CCSER2: variants seen among roughly 807,000 people sequenced by gnomAD.
CCSER2 encodes serine-rich coiled-coil domain-containing protein 2.
A neutral mutation model predicts 92.3 loss-of-function variants in CCSER2; 46 were observed. The observed-to-expected ratio is 0.50, with a 90% CI of 0.39 to 0.64. The LOEUF is 0.64. Ranked by LOEUF, CCSER2 falls within the 30% of genes least tolerant of loss-of-function variation. The probability of loss-of-function intolerance (pLI) is 0.00; values close to 1 mark genes in which losing one functional copy is unlikely to be tolerated. For synonymous variants in CCSER2, 433 were observed against 431.4 expected, an observed-to-expected ratio of 1.00 and a Z score of -0.04; for missense variants, 1,244 against 1,238.9, an observed-to-expected ratio of 1.00 and a Z score of -0.06.
intron 5 of CCSER2, among the ~76,000 whole-genome samples, chr10:84,432,456 C>G (rs1843832646): frequency 6.6e-6 from 1 of 152,182 alleles, no homozygotes; most frequent in South Asian, 2.1e-4. Flanking sequence ...ATTGTTATGT[C>G]TGTGAGTACA....
At chr10:84,364,620 A>C (rs1384119154) in intron 1 of CCSER2, among the ~76,000 whole-genome samples, 1 of 152,192 alleles carries the variant, frequency 6.6e-6, no homozygotes, top group East Asian at 1.9e-4. Flanking sequence ...GGTACCTATC[A>C]TGTAAGTGCT....
intron 3 of CCSER2, among the ~76,000 whole-genome samples, chr10:84,378,429 TAAA>T (rs1846455371): frequency 6.8e-6 from 1 of 146,902 alleles, no homozygotes; most frequent in Non-Finnish European, 1.5e-5. Flanking sequence ...TTTTTAAAAT[TAAA>T]TTTTTTTTTT....
intron 1 of CCSER2, among the ~76,000 whole-genome samples, chr10:84,364,700 A>C (rs1845684381): frequency 6.6e-6 from 1 of 151,862 alleles, no homozygotes; most frequent in Non-Finnish European, 1.5e-5. Flanking sequence ...AGCTTGATTT[A>C]CAGTTTTAAA....
At chr10:84,441,736 G>GGT (rs1844561798) in intron 6 of CCSER2, among the ~76,000 whole-genome samples, 2 of 43,598 alleles carry the variant, frequency 4.6e-5, no homozygotes, top group African/African-American at 1.5e-4. Context: ...CTGGGAAAAT[G>GGT]TTTTTTTTTT....
chr10:84,347,795 C>T (rs537679008), intron 1 of CCSER2, among the ~76,000 whole-genome samples: 10 of 150,828 alleles, frequency 6.6e-5, no homozygotes, highest in East Asian at 2.0e-4. Flanking sequence ...TGGACAGAGA[C>T]GCTCCTCACC....
intron 3 of CCSER2, chr10:84,391,236 C>T: frequency 7.7e-7 from 1 of 1,297,370 alleles, no homozygotes; most frequent in Non-Finnish European, 1.1e-6. Context: ...GGAAAACTTG[C>T]CCAAGCCATG....
intron 9 of CCSER2, among the ~76,000 whole-genome samples, chr10:84,500,329 T>C (rs1848658541): frequency 6.6e-6 from 1 of 152,232 alleles, no homozygotes; most frequent in South Asian, 2.1e-4. Context: ...TGATCTACAA[T>C]GGTATGATGG....
At chr10:84,407,142 C>T (rs1450442794) in intron 3 of CCSER2, among the ~76,000 whole-genome samples, 2 of 152,142 alleles carry the variant, frequency 1.3e-5, no homozygotes, top group African/African-American at 4.8e-5. Flanking sequence ...TTTGCTTAAC[C>T]TAGACCCCTA....
At chr10:84,484,179 C>T (rs1287119404) in intron 9 of CCSER2, among the ~76,000 whole-genome samples, 6 of 150,980 alleles carry the variant, frequency 4.0e-5, no homozygotes, top group East Asian at 3.9e-4. Context: ...GGTTTCACCG[C>T]GTTAGCCAGG....
At chr10:84,389,674 A>G (rs1841417149) in intron 3 of CCSER2, 1 of 176,494 alleles carries the variant, frequency 5.7e-6, no homozygotes, top group Non-Finnish European at 1.2e-5. Flanking sequence ...ACAACCAAAG[A>G]GAGTTGCACC....
chr10:84,405,747 C>T (rs1295432919), intron 3 of CCSER2, among the ~76,000 whole-genome samples: 1 of 152,172 alleles, frequency 6.6e-6, no homozygotes, highest in Non-Finnish European at 1.5e-5. Context: ...TGCTGAGACA[C>T]CACTGCACAC....
At chr10:84,364,585 A>G (rs747127987) in intron 1 of CCSER2, among the ~76,000 whole-genome samples, 2 of 152,214 alleles carry the variant, frequency 1.3e-5, no homozygotes, top group African/African-American at 2.4e-5. Flanking sequence ...TGAAGATTAA[A>G]CAAAAAGTAT....
intron 4 of CCSER2, among the ~76,000 whole-genome samples, chr10:84,421,225 T>C (rs1843134260): frequency 6.6e-6 from 1 of 152,200 alleles, no homozygotes; most frequent in Non-Finnish European, 1.5e-5. Context: ...GTTGGTCAAA[T>C]GTTTTCTGGA....
chr10:84,493,686 T>C (rs1000832842), intron 9 of CCSER2, among the ~76,000 whole-genome samples: 2 of 152,204 alleles, frequency 1.3e-5, no homozygotes, highest in African/African-American at 2.4e-5. Flanking sequence ...CCCCAACCTT[T>C]TTGACATCAG....
chr10:84,438,891 G>C (rs542058893), intron 6 of CCSER2, among the ~76,000 whole-genome samples, 184 bp downstream of exon 6: 5 of 152,196 alleles, frequency 3.3e-5, no homozygotes, highest in Non-Finnish European at 7.3e-5. Flanking sequence ...TTGCATGAGG[G>C]TCTCATTACA....
chr10:84,444,527 G>GT (rs1419356737), intron 6 of CCSER2, among the ~76,000 whole-genome samples: 2 of 152,128 alleles, frequency 1.3e-5, no homozygotes, highest in Non-Finnish European at 2.9e-5. Flanking sequence ...AAACTAATTA[G>GT]TGATACAACC....
chr10:84,488,834 G>A (rs1431441691), intron 9 of CCSER2, among the ~76,000 whole-genome samples: 1 of 152,114 alleles, frequency 6.6e-6, no homozygotes, highest in East Asian at 1.9e-4. Context: ...CGATGTTAGG[G>A]TGTCAATTTT....
At chr10:84,399,919 C>G (rs1233348355) in intron 3 of CCSER2, among the ~76,000 whole-genome samples, 1 of 142,718 alleles carries the variant, frequency 7.0e-6, no homozygotes, top group South Asian at 2.2e-4. Flanking sequence ...TTCTTTCTTT[C>G]TTTCTTTAAG....
chr10:84,356,786 A>G (rs943873671), intron 1 of CCSER2, among the ~76,000 whole-genome samples: 2 of 152,210 alleles, frequency 1.3e-5, no homozygotes, highest in Admixed American at 1.3e-4. Flanking sequence ...ATAGGAGCTT[A>G]TAAACCAGTT....
Sources: allele counts gnomAD v4.1 joint callset (sites outside exome capture counted in the v4.1 genomes callset), GRCh38; gene constraint gnomAD v4.1.1; transcripts MANE v1.5; gene names NCBI Gene and HGNC (gene_info 2026-07-23, HGNC 2026-07-21).